Variants in KDM4C observed in about 807,000 individuals in gnomAD.
KDM4C encodes the protein lysine-specific demethylase 4C.
A neutral mutation model predicts 129.3 loss-of-function variants in KDM4C; 81 were observed. The ratio of observed to expected loss-of-function variants is 0.63; its 90% confidence interval spans 0.52 to 0.75. The LOEUF is 0.75. Among genes scored for constraint, KDM4C ranks in the 30% least tolerant of loss-of-function variants. The pLI is 0.00. For synonymous variants in KDM4C, 573 were observed against 456.1 expected (o/e 1.26, Z -3.26); for missense variants, 1,457 against 1,304.0 (o/e 1.12, Z -1.81).
At chr9:7,116,955 T>C (rs1369809605) in intron 18 of KDM4C, among the ~76,000 whole-genome samples, 1 of 152,200 alleles carries the variant, frequency 6.6e-6, no homozygotes, top group Non-Finnish European at 1.5e-5. Context: ...AAAAGTATAA[T>C]AATAACTAAC....
At chr9:7,111,028 G>A (rs575073368) in intron 18 of KDM4C, among the ~76,000 whole-genome samples, 4 of 152,140 alleles carry the variant, frequency 2.6e-5, no homozygotes, top group African/African-American at 4.8e-5. Context: ...GGAAGTAAAC[G>A]TAACCTTTTT....
chr9:6,761,388 C>T (rs1563945398), intron 1 of KDM4C, among the ~76,000 whole-genome samples: 1 of 151,948 alleles, frequency 6.6e-6, no homozygotes, highest in Admixed American at 6.6e-5. Context: ...GGCTGGAGTG[C>T]AGCAGTGACA....
intron 8 of KDM4C, among the ~76,000 whole-genome samples, chr9:6,972,064 T>C (rs1156923784): frequency 1.3e-5 from 2 of 152,098 alleles, no homozygotes; most frequent in Admixed American, 1.3e-4. Context: ...ACACAAAATA[T>C]GATTACACGT....
At chr9:6,731,054 C>T (rs1817316129) in intron 1 of KDM4C, among the ~76,000 whole-genome samples, 1 of 152,170 alleles carries the variant, frequency 6.6e-6, no homozygotes, top group African/African-American at 2.4e-5. Context: ...GTCATTTTCT[C>T]AATTTTTAGA....
chr9:6,899,927 T>C (rs532434174), intron 8 of KDM4C, among the ~76,000 whole-genome samples: 2 of 152,356 alleles, frequency 1.3e-5, no homozygotes, highest in South Asian at 2.1e-4. Flanking sequence ...TTTGAGTCTA[T>C]AGTTTGTCAG....
intron 8 of KDM4C, among the ~76,000 whole-genome samples, chr9:6,927,421 C>T (rs558484290): frequency 2.6e-5 from 4 of 152,270 alleles, no homozygotes; most frequent in East Asian, 3.9e-4. Context: ...TGAGCTACTG[C>T]GCCCAGCCTC....
intron 8 of KDM4C, among the ~76,000 whole-genome samples, chr9:6,971,230 G>C (rs1487715832): frequency 6.6e-6 from 1 of 152,092 alleles, no homozygotes; most frequent in East Asian, 1.9e-4. Flanking sequence ...TTTGGCTCTA[G>C]AAATATGGAT....
chr9:6,834,449 G>A (rs546429487), intron 4 of KDM4C: 108 of 488,370 alleles, frequency 2.2e-4, no homozygotes, highest in African/African-American at 1.9e-3. Flanking sequence ...CCCGCTACCA[G>A]CTCACCATAG....
In KDM4C at chr9:6,927,089, TTCTATCTATCTATCTATCTA is replaced by T. The variant is rs34242647; in HGVS notation, c.921+33889_921+33908del. Among the ~76,000 whole-genome samples the T allele has an allele frequency of 3.2e-3, 463 of 145,196 alleles. 19 individuals carry two copies. The East Asian group carries it at 0.072, about 23-fold the overall frequency. On this transcript the variant is annotated intron_variant, in intron 8 of 21. Transcript: ENST00000381309. Reference sequence around the variant, plus strand: ...AGATTCTATCCTTTCAAAAAAAATTTTCTATCTATCTATCTATCTATCTATCTATCTATCTATCTATCTAT... The same window carrying T: ...AGATTCTATCCTTTCAAAAAAAATTTTCTATCTATCTATCTATCTATCTAT...
intron 3 of KDM4C, among the ~76,000 whole-genome samples, chr9:6,813,412 T>C (rs1456284394): frequency 6.6e-6 from 1 of 152,226 alleles, no homozygotes; most frequent in Non-Finnish European, 1.5e-5. Flanking sequence ...TTAAATACAG[T>C]TGTTAAATTA....
intron 9 of KDM4C, among the ~76,000 whole-genome samples, chr9:6,983,565 G>T (rs2131835509): frequency 1.1e-5 from 1 of 92,562 alleles, no homozygotes; most frequent in South Asian, 3.1e-4. Flanking sequence ...GTGAGACAGT[G>T]TCTTTATGAC....
At chr9:7,152,324 A>G (rs1032687382) in intron 19 of KDM4C, among the ~76,000 whole-genome samples, 1 of 152,246 alleles carries the variant, frequency 6.6e-6, no homozygotes. Context: ...GTTGTGGTTC[A>G]TCTATACTGT....
chr9:7,166,337 A>G (rs888842737), intron 20 of KDM4C, among the ~76,000 whole-genome samples: 2 of 152,220 alleles, frequency 1.3e-5, no homozygotes, highest in Non-Finnish European at 2.9e-5. Context: ...AGCACAGTGT[A>G]ATTAAAGGTG....
intron 1 of KDM4C, among the ~76,000 whole-genome samples, chr9:6,789,501 T>C (rs1001787914): frequency 6.6e-6 from 1 of 152,044 alleles, no homozygotes. Flanking sequence ...ATTACAGGCG[T>C]GAGCCACTGT....
Position 6,776,804 on chromosome 9 carries a change from CA to C in KDM4C, c.-17-16167del, listed in dbSNP as rs537286784. 4.0e-5 allele frequency among the ~76,000 whole-genome samples: 6 copies of C among 150,060 alleles called. No homozygotes were observed. In the South Asian group the frequency reaches 1.3e-3, roughly 32 times the overall value. On this transcript the variant is annotated intron_variant, in intron 1 of 21. Coordinates refer to ENST00000381309, the MANE Select transcript of KDM4C (RefSeq NM_015061.6). ...ATTTTTAGTAGAGACAGGGTTTCAC[CA>C]TCTTGGCCAGTGGGTCTCAAACTCC...
intron 8 of KDM4C, chr9:6,925,415 T>TTTCCCCTTCCTCCTTTCCCC: frequency 1.0e-6 from 1 of 972,920 alleles, no homozygotes; most frequent in Non-Finnish European, 1.2e-6. Flanking sequence ...TCCCTTTCCC[T>TTTCCCCTTCCTCCTTTCCCC]TTCCCCTTCC....
At chr9:7,020,811 A>G (rs948672616) in intron 15 of KDM4C, among the ~76,000 whole-genome samples, 6 of 152,200 alleles carry the variant, frequency 3.9e-5, no homozygotes, top group East Asian at 1.9e-4. Context: ...TTGTGTTACA[A>G]ACAATCCAGT....
At chr9:6,897,548 G>A (rs1167701406) in intron 8 of KDM4C, among the ~76,000 whole-genome samples, 1 of 152,174 alleles carries the variant, frequency 6.6e-6, no homozygotes, top group Non-Finnish European at 1.5e-5. Flanking sequence ...TCAAAGACAA[G>A]ATCATTACTG....
At chr9:7,022,961 A>G (rs1825143108) in intron 15 of KDM4C, among the ~76,000 whole-genome samples, 2 of 152,142 alleles carry the variant, frequency 1.3e-5, no homozygotes, top group African/African-American at 4.8e-5. Context: ...ATTGATTTGC[A>G]TATGTTGAAT....
Sources: gnomAD v4.1 joint callset for allele counts (sites outside exome capture counted in the v4.1 genomes callset) on GRCh38, gnomAD v4.1.1 for gene constraint, MANE v1.5 for transcripts, NCBI Gene and HGNC (gene_info 2026-07-23, HGNC 2026-07-21) for gene names.